The following CASKIN1 variants were observed in gnomAD, a reference collection of about 807,000 sequenced individuals.
CASKIN1 encodes the protein CASK interacting protein 1.
Under a neutral mutation model 117.5 loss-of-function variants are expected in CASKIN1, and 42 were observed. The ratio of observed to expected loss-of-function variants is 0.36; its 90% CI spans 0.28 to 0.46. The LOEUF (loss-of-function observed/expected upper bound fraction) is 0.46, where lower values mean the gene tolerates loss of function less well. Among genes scored for constraint, CASKIN1 ranks in the 20% least tolerant of loss-of-function variants. CASKIN1 has a pLI of 1.00. For missense variants in CASKIN1, 2,083 were observed against 2,077.3 expected, an observed-to-expected ratio of 1.00 and a Z score of -0.05; for synonymous variants, 1,148 against 961.7, an observed-to-expected ratio of 1.19 and a Z score of -3.59.
chr16:2,183,400 G>A (rs1053192081), intron 16 of CASKIN1, among the ~76,000 whole-genome samples: 2 of 152,152 alleles, frequency 1.3e-5, no homozygotes, highest in African/African-American at 4.8e-5. Context: ...CATGGACGTG[G>A]GGAGGGGACT....
At chr16:2,178,834 C>T in intron 19 of CASKIN1, 68 bp downstream of exon 19, 1 of 1,333,646 alleles carries the variant, frequency 7.5e-7, no homozygotes, top group Non-Finnish European at 9.6e-7. Context: ...CCCCGCCCAT[C>T]TCTGCCGAGC....
Position 2,181,132 on chromosome 16 carries a change from G to A in CASKIN1, c.2236C>T (p.Arg746Cys), listed in dbSNP as rs938203768. 32 of 1,477,142 alleles carry A rather than the reference G, an allele frequency of 2.2e-5. No homozygotes were observed. Among genetic ancestry groups the A allele is most frequent in the African/African-American group, 5.7e-5 (4 of 70,780 alleles). 91.5% of individuals were successfully genotyped at this position (1,477,142 alleles called of 1,614,324 possible). Residue 746 changes from arginine to cysteine, a missense_variant, in exon 18 of 20, where the codon CGC becomes TGC. Transcript: ENST00000343516. Reference protein sequence around the residue: ...GTPPREARPGRHGHSIKRASV... With the variant: ...GTPPREARPGCHGHSIKRASV... ...GCCCTCTTGATGCTGTGGCCGTGGC[G>A]GCCGGGCCGGGCCTCCCTGGGCGGG...
At chr16:2,178,694 C>CA (rs2093153749) in intron 19 of CASKIN1, 48 bp from the exon 20 acceptor site, 2 of 1,507,224 alleles carry the variant, frequency 1.3e-6, no homozygotes, top group Non-Finnish European at 1.8e-6. Context: ...CGGGTCTGGC[C>CA]ACGCCCACCC....
At chr16:2,186,602 C>G in intron 10 of CASKIN1, 105 bp downstream of exon 10, 1 of 998,760 alleles carries the variant, frequency 1.0e-6, no homozygotes, top group Non-Finnish European at 1.5e-6. Context: ...CGCTGGCACC[C>G]AGAAACCCAG....
At chr16:2,183,243 C>T (rs1386329482) in intron 16 of CASKIN1, among the ~76,000 whole-genome samples, 2 of 152,160 alleles carry the variant, frequency 1.3e-5, no homozygotes, top group African/African-American at 2.4e-5. Context: ...ACCTGCCAGG[C>T]GTGTGGCTGG....
intron 1 of CASKIN1, among the ~76,000 whole-genome samples, chr16:2,194,670 C>T (rs1268928046): frequency 6.6e-6 from 1 of 152,184 alleles, no homozygotes; most frequent in Non-Finnish European, 1.5e-5. Flanking sequence ...ATTTATTACA[C>T]CCGCCCCTGT....
At position 2,178,657 on chromosome 16, in the gene CASKIN1, C is replaced by CGGGGCAAGGGGCGT. The variant is rs1567256606; in HGVS notation, c.4200-25_4200-12dup. ...TCCGCCGCCGAGTCGCTGCGGGGCGCGGGGCAAGGGGCGTGAGTGGGCGGG... is the reference window on the plus strand; with the variant it reads ...TCCGCCGCCGAGTCGCTGCGGGGCGCGGGGCAAGGGGCGTGGGGCAAGGGGCGTGAGTGGGCGGG... On this transcript the variant is annotated splice_polypyrimidine_tract_variant and intron_variant, in intron 19 of 19. Transcript: ENST00000343516. 3.9e-5 allele frequency: 62 copies of CGGGGCAAGGGGCGT among 1,579,116 alleles called. No individual in the cohort carries two copies. Among genetic ancestry groups the CGGGGCAAGGGGCGT allele is most frequent in the South Asian group, 4.5e-5 (4 of 88,926 alleles).
chr16:2,178,464 G>A lies in CASKIN1; in HGVS notation c.*86C>T, dbSNP rs1345377406. On this transcript the variant is annotated 3_prime_UTR_variant, in exon 20 of 20. Transcript: ENST00000343516. ...TGCAGGGCCCTGCCCGGCCGCTCGC[G>A]CCGCGCCCAGACGCGCCCATCCTGA... is the stretch of plus-strand genomic sequence containing the variant. 9 of 1,108,286 alleles carry A rather than the reference G, an allele frequency of 8.1e-6. No homozygotes were observed. Among genetic ancestry groups the A allele is most frequent in the Middle Eastern group, 2.9e-4 (1 of 3,432 alleles). 68.7% of individuals were successfully genotyped at this position (1,108,286 alleles called of 1,614,324 possible).
intron 19 of CASKIN1, 107 bp from the exon 20 acceptor site, chr16:2,178,753 G>T: frequency 7.5e-7 from 1 of 1,332,684 alleles, no homozygotes; most frequent in Non-Finnish European, 9.8e-7. Flanking sequence ...TCCGCCTACC[G>T]CACGACGACC....
Position 2,179,939 on chromosome 16 carries a change from G to C in CASKIN1, c.3429C>G (p.Thr1143=), listed in dbSNP as rs761036930. The change falls in exon 18 of 20, where the codon ACC becomes ACG. Residue 1143 remains threonine (T), a synonymous_variant. Coordinates refer to ENST00000343516, the MANE Select transcript of CASKIN1 (RefSeq NM_020764.4). This position sits in a 1 kb window ranked among gnomAD's most constrained non-coding sequence, Gnocchi z 5.8. The part of the protein sequence containing the change: ...NQQENVKFIL[T]ESDTVKRRPK... ...GCCTGCGCTTGACCGTGTCAGACTC[G>C]GTCAGGATGAACTTGACGTTCTCCT... 2.7e-5 allele frequency: 44 copies of C among 1,606,006 alleles called. No individual in the cohort carries two copies. The highest frequency in any genetic ancestry group is 3.5e-5 in the Non-Finnish European group (41 of 1,176,944).
chr16:2,185,286 C>T, intron 11 of CASKIN1, 21 bp downstream of exon 11: 2 of 1,594,882 alleles, frequency 1.3e-6, no homozygotes, highest in African/African-American at 2.7e-5. Context: ...GCCACCTCTG[C>T]CCTTCAGGGA....
chr16:2,187,915 ACT>A (rs1389760116), intron 6 of CASKIN1, among the ~76,000 whole-genome samples: 1 of 138,636 alleles, frequency 7.2e-6, no homozygotes, highest in Non-Finnish European at 1.5e-5. Context: ...ACGGGGTCTC[ACT>A]CTGTCACCCA....
intron 3 of CASKIN1, 100 bp from the exon 4 acceptor site, chr16:2,189,664 C>A (rs1387665928): frequency 8.2e-7 from 1 of 1,217,424 alleles, no homozygotes; most frequent in Non-Finnish European, 1.1e-6. Flanking sequence ...CAAGTCCAAC[C>A]CTGGGGGGTG....
rs775590987 is a variant in CASKIN1, at chr16:2,179,608, C to A, written c.3760G>T (p.Gly1254Cys). ...GCTGGCCTACCTGGGCTGCCAGGGCCTGGCAGCGGCACCTTCTTGGAGGTG... is the reference window on the plus strand; with the variant it reads ...GCTGGCCTACCTGGGCTGCCAGGGCATGGCAGCGGCACCTTCTTGGAGGTG... ...TPTSKKVPLP[G>C]PGSPEVKRAH... Residue 1254 changes from glycine (G) to cysteine (C), a missense_variant, in exon 18 of 20, where the codon GGC becomes TGC. By Grantham distance (159) the Gly-to-Cys change is radical (BLOSUM62 -3). Transcript: ENST00000343516. The surrounding 1 kb of genome is among the most constrained non-coding windows in gnomAD (Gnocchi z 5.8). 6.9e-7 allele frequency: 1 copy of A among 1,452,936 alleles called. No individual in the cohort carries two copies. The highest frequency in any genetic ancestry group is 1.9e-4 in the Middle Eastern group (1 of 5,308). 90.0% of individuals were successfully genotyped at this position (1,452,936 alleles called of 1,614,324 possible). A position where few individuals can be genotyped will look rare whatever the true frequency, so the allele number is the denominator to read the frequency against.
rs912978026 is a variant in CASKIN1 at position 2,180,814 on chromosome 16, C to T, written c.2554G>A (p.Ala852Thr). Residue 852 changes from alanine to threonine, a missense_variant, in exon 18 of 20, where the codon GCG becomes ACG. By Grantham distance (58) the Ala-to-Thr change is moderately conservative (BLOSUM62 0). Transcript: ENST00000343516. ...GEVGPAAPGP[A>T]PPPVPTAVPT... is the part of the protein sequence containing the mutation. ...ACAGCCGTCGGCACGGGTGGGGGCGCAGGCCCCGGGGCAGCCGGCCCCACC... is the reference window on the plus strand; with the variant it reads ...ACAGCCGTCGGCACGGGTGGGGGCGTAGGCCCCGGGGCAGCCGGCCCCACC... The T allele has an allele frequency of 1.1e-5, 15 of 1,395,080 alleles. No homozygotes were observed. Among genetic ancestry groups the T allele is most frequent in the African/African-American group, 6.1e-5 (4 of 65,776 alleles). The allele number at this position is 1,395,080 out of a possible 1,614,324, so 86.4% of individuals were successfully genotyped here. A position where few individuals can be genotyped will look rare whatever the true frequency, so the allele number is the denominator to read the frequency against.
In CASKIN1 at chr16:2,178,887, C is replaced by A. The variant is rs2093155705; in HGVS notation, c.4199+15G>T. ...AGCCCCGCCCTCCGCCCGCCAGGCC[C>A]CGCCCCGCACCTACCGCGGGCCCTG... On this transcript the variant is annotated intron_variant, in intron 19 of 19. Coordinates refer to ENST00000343516, the MANE Select transcript of CASKIN1 (RefSeq NM_020764.4). 2.1e-6 allele frequency: 3 copies of A among 1,431,956 alleles called. No individual in the cohort carries two copies. The highest frequency in any genetic ancestry group is 2.7e-6 in the Non-Finnish European group (3 of 1,102,222). The allele number at this position is 1,431,956 out of a possible 1,614,324, so 88.7% of individuals were successfully genotyped here.
At chr16:2,187,924 C>G (rs1434943159) in intron 6 of CASKIN1, among the ~76,000 whole-genome samples, 1 of 152,176 alleles carries the variant, frequency 6.6e-6, no homozygotes, top group Non-Finnish European at 1.5e-5. Context: ...CACTCTGTCA[C>G]CCAGGCTGGA....
chr16:2,178,370 T>C lies in CASKIN1; in HGVS notation c.*180A>G. ...CGGGCGCAGGGTCTGCCTAGAGCCC[T>C]TGGAGCCCCCGGCCAGGCGGTCCCC... On this transcript the variant is annotated 3_prime_UTR_variant, in exon 20 of 20. Coordinates refer to ENST00000343516, the MANE Select transcript of CASKIN1 (RefSeq NM_020764.4). 2.2e-6 allele frequency: 1 copy of C among 463,600 alleles called. No homozygotes were observed. Among genetic ancestry groups the C allele is most frequent in the Admixed American group, 4.5e-5 (1 of 22,388 alleles). The allele number at this position is 463,600 out of a possible 1,614,324, so 28.7% of individuals were successfully genotyped here. A position where few individuals can be genotyped will look rare whatever the true frequency, so the allele number is the denominator to read the frequency against.
At chr16:2,186,607 ACCCAG>A in intron 10 of CASKIN1, 95 bp downstream of exon 10, 1 of 1,044,500 alleles carries the variant, frequency 9.6e-7, no homozygotes, top group Non-Finnish European at 1.4e-6. Flanking sequence ...GCACCCAGAA[ACCCAG>A]CCCTGCTGGG....
Sources: allele counts gnomAD v4.1 joint callset (sites outside exome capture counted in the v4.1 genomes callset), GRCh38; gene constraint gnomAD v4.1.1; non-coding constraint Gnocchi (gnomAD v3.1); transcripts MANE v1.5; gene names NCBI Gene and HGNC (gene_info 2026-07-23, HGNC 2026-07-21).